AARS1: variants seen among roughly 807,000 people sequenced by gnomAD.
AARS1 encodes alanyl-tRNA synthetase 1, also known as alanine--tRNA ligase, cytoplasmic.
In AARS1, 72 loss-of-function variants were observed where a neutral mutation model predicts 108.9. The ratio of observed to expected loss-of-function variants is 0.66; its 90% CI spans 0.55 to 0.80. AARS1 has a LOEUF of 0.80. Ranked by LOEUF, AARS1 falls within the 30% of genes least tolerant of loss-of-function variation. The pLI, the probability that AARS1 is intolerant of heterozygous loss-of-function variation, is 0.00. For missense variants in AARS1, 1,193 were observed against 1,233.2 expected (o/e 0.97, Z 0.49); for synonymous variants, 489 against 465.7 (o/e 1.05, Z -0.64).
chr16:70,281,959 G>C (rs1236065087), intron 2 of AARS1, among the ~76,000 whole-genome samples: 2 of 152,090 alleles, frequency 1.3e-5, no homozygotes, highest in Non-Finnish European at 2.9e-5. Context: ...AGACCATCCT[G>C]GCTAACACGG....
Position 70,252,587 on chromosome 16 carries a change from G to T in AARS1, c.*134C>A, listed in dbSNP as rs1959867220. 3.0e-6 allele frequency: 3 copies of T among 984,190 alleles called. No homozygotes were observed. The South Asian group carries it at 4.1e-5, about 13-fold the overall frequency. The allele number at this position is 984,190 out of a possible 1,614,324, so 61.0% of individuals were successfully genotyped here. A position where few individuals can be genotyped will look rare whatever the true frequency, so the allele number is the denominator to read the frequency against. Reference sequence around the variant, plus strand: ...TTAAGGGGCACTGAGACATAGGACTGCTCCCAAGTGTGTTCCAGTTACTGC... The same window carrying T: ...TTAAGGGGCACTGAGACATAGGACTTCTCCCAAGTGTGTTCCAGTTACTGC... On this transcript the variant is annotated 3_prime_UTR_variant, in exon 21 of 21. Coordinates refer to ENST00000261772, the MANE Select transcript of AARS1 (RefSeq NM_001605.3).
chr16:70,262,574 T>C (rs1250313742), intron 11 of AARS1, 50 bp from the exon 12 acceptor site: 3 of 1,552,514 alleles, frequency 1.9e-6, no homozygotes, highest in Middle Eastern at 3.4e-4. Context: ...AATGACCTTT[T>C]CACTCCTTCT....
At chr16:70,276,369 T>C (rs1014207179) in intron 4 of AARS1, 117 bp downstream of exon 4, 4 of 1,201,106 alleles carry the variant, frequency 3.3e-6, no homozygotes, top group Non-Finnish European at 3.7e-6. Flanking sequence ...CCCATGTGCA[T>C]CTCAAAAGGA....
At position 70,262,415 on chromosome 16, in the gene AARS1, G is replaced by A. The variant is rs1960154377; in HGVS notation, c.1602C>T (p.Phe534=). Residue 534 remains phenylalanine (F), a synonymous_variant, in exon 12 of 21, where the codon TTC becomes TTT. Coordinates refer to ENST00000261772, the MANE Select transcript of AARS1 (RefSeq NM_001605.3). ...ECGVVLDKTC[F]YAEQGGQIYD... is the part of the protein sequence containing the mutation. ...AGATCTGGCCTCCTTGCTCAGCATA[G>A]AAACAGGTCTTGTCCAGCACCACTC... 6.2e-7 allele frequency: 1 copy of A among 1,614,056 alleles called. No homozygotes were observed. Among genetic ancestry groups the A allele is most frequent in the Admixed American group, 1.7e-5 (1 of 60,004 alleles).
At position 70,287,667 on chromosome 16, in the gene AARS1, C is replaced by T. The variant is rs531506577; in HGVS notation, c.-22+1754G>A. Reference sequence around the variant, plus strand: ...CTGAGTCCAAAGGGTCGCTTGAGCACATAAGTTTGAGGCTGCAGTGAGCTA... The same window carrying T: ...CTGAGTCCAAAGGGTCGCTTGAGCATATAAGTTTGAGGCTGCAGTGAGCTA... On this transcript the variant is annotated intron_variant, in intron 1 of 20. Transcript: ENST00000261772. Among the ~76,000 whole-genome samples, 7 of 152,072 alleles carry T rather than the reference C, an allele frequency of 4.6e-5. No homozygotes were observed. In the South Asian group the frequency reaches 1.5e-3, roughly 32 times the overall value.
chr16:70,253,061 C>T (rs1034077061), intron 20 of AARS1, among the ~76,000 whole-genome samples, 155 bp from the exon 21 acceptor site: 13 of 152,162 alleles, frequency 8.5e-5, no homozygotes, highest in African/African-American at 3.1e-4. Flanking sequence ...CAGGGGGCGG[C>T]CATGGCCACT....
At chr16:70,265,315 C>T (rs534702710) in intron 10 of AARS1, 26 of 908,758 alleles carry the variant, frequency 2.9e-5, no homozygotes, top group Admixed American at 1.0e-4. Context: ...CTACCAAGTA[C>T]GTGACAGCAG....
intron 17 of AARS1, chr16:70,254,309 A>G: frequency 3.4e-6 from 2 of 590,888 alleles, no homozygotes; most frequent in Non-Finnish European, 6.0e-6. Flanking sequence ...GCAGCTTGAA[A>G]TGCAAATAAA....
intron 1 of AARS1, among the ~76,000 whole-genome samples, chr16:70,285,683 A>G (rs1960823311): frequency 6.6e-6 from 1 of 152,174 alleles, no homozygotes; most frequent in Non-Finnish European, 1.5e-5. Context: ...TCCTGACCTC[A>G]GGTGATCTGC....
chr16:70,280,666 T>C (rs999228040), intron 2 of AARS1, among the ~76,000 whole-genome samples: 7 of 152,060 alleles, frequency 4.6e-5, no homozygotes, highest in Non-Finnish European at 7.4e-5. Flanking sequence ...GAGAGCACCA[T>C]CTAACCTGAA....
intron 11 of AARS1, among the ~76,000 whole-genome samples, chr16:70,262,986 A>ACAAAAC (rs1960175737): frequency 6.8e-6 from 1 of 147,164 alleles, no homozygotes; most frequent in Non-Finnish European, 1.5e-5. Context: ...AAAAAAAAAA[A>ACAAAAC]AAAAAAAAAA....
intron 16 of AARS1, among the ~76,000 whole-genome samples, chr16:70,255,103 T>C (rs938971304): frequency 6.6e-6 from 1 of 151,812 alleles, no homozygotes; most frequent in Non-Finnish European, 1.5e-5. Context: ...TAGGAGTACA[T>C]GGATCAGCGC....
At chr16:70,276,666 T>G in intron 3 of AARS1, 35 bp from the exon 4 acceptor site, 2 of 1,611,684 alleles carry the variant, frequency 1.2e-6, no homozygotes, top group Non-Finnish European at 8.5e-7. Flanking sequence ...TATGGAACAT[T>G]GCCAAACCAA....
intron 1 of AARS1, among the ~76,000 whole-genome samples, chr16:70,289,064 GTT>G (rs1347031706): frequency 6.6e-6 from 1 of 152,084 alleles, no homozygotes; most frequent in Non-Finnish European, 1.5e-5. Flanking sequence ...CAGCTGTTTA[GTT>G]AATTTTAAGA....
At chr16:70,288,776 A>C (rs941844972) in intron 1 of AARS1, among the ~76,000 whole-genome samples, 18 of 151,540 alleles carry the variant, frequency 1.2e-4, no homozygotes, top group Non-Finnish European at 2.9e-5. Flanking sequence ...CATGTTGGCC[A>C]GGCTAGTCTC....
chr16:70,264,482 A>C (rs1960217081), intron 11 of AARS1, among the ~76,000 whole-genome samples: 1 of 151,602 alleles, frequency 6.6e-6, no homozygotes, highest in African/African-American at 2.4e-5. Context: ...ACGCCCGGCT[A>C]ATTTCCGTAT....
chr16:70,276,462 T>C (rs774889997), intron 4 of AARS1, 24 bp downstream of exon 4: 1 of 1,613,362 alleles, frequency 6.2e-7, no homozygotes, highest in Non-Finnish European at 8.5e-7. Context: ...CTCCATACTC[T>C]CAAGAAGTGA....
chr16:70,259,063 C>G lies in AARS1; in HGVS notation c.1909G>C (p.Asp637His), dbSNP rs1296777926. Residue 637 changes from aspartate (D) to histidine (H), a missense_variant, in exon 14 of 21, where the codon GAC becomes CAC. Physicochemically the swap from Asp to His is moderately conservative, Grantham distance 81. Coordinates refer to ENST00000261772, the MANE Select transcript of AARS1 (RefSeq NM_001605.3). ...GACATGGCTCCCTTGGCAGTAAAGTCAAATCTGAGGCGGTCAGGAGCAACC... is the reference window on the plus strand; with the variant it reads ...GACATGGCTCCCTTGGCAGTAAAGTGAAATCTGAGGCGGTCAGGAGCAACC... ...SLVAPDRLRF[D>H]FTAKGAMSTQ... 1.2e-6 allele frequency: 2 copies of G among 1,614,022 alleles called. No individual in the cohort carries two copies. Among genetic ancestry groups the G allele is most frequent in the Non-Finnish European group, 1.7e-6 (2 of 1,180,032 alleles).
chr16:70,281,365 A>G (rs1960691195), intron 2 of AARS1, among the ~76,000 whole-genome samples: 1 of 152,128 alleles, frequency 6.6e-6, no homozygotes, highest in African/African-American at 2.4e-5. Context: ...CCATCTCTGC[A>G]TATAAATAAA....
Sources: allele counts gnomAD v4.1 joint callset (sites outside exome capture counted in the v4.1 genomes callset), GRCh38; gene constraint gnomAD v4.1.1; transcripts MANE v1.5; gene names NCBI Gene and HGNC (gene_info 2026-07-23, HGNC 2026-07-21).